GRIK4: variants seen among roughly 807,000 people sequenced by gnomAD.
GRIK4 encodes glutamate receptor ionotropic, kainate 4.
In GRIK4, 40 loss-of-function variants were observed where a neutral mutation model predicts 104.9. That is an observed-to-expected ratio of 0.38 (90% CI 0.30 to 0.50). The LOEUF is 0.50. Ranked by LOEUF, GRIK4 falls within the 20% of genes least tolerant of loss-of-function variation. GRIK4 has a pLI of 0.93. For synonymous variants in GRIK4, 485 were observed against 524.9 expected (o/e 0.92, Z 1.04); for missense variants, 1,047 against 1,308.1 (o/e 0.80, Z 3.08).
rs186901174 is a variant in GRIK4 at position 120,917,472 on chromosome 11, C to T, written c.1476+11979C>T. 2.2e-3 allele frequency among the ~76,000 whole-genome samples: 340 copies of T among 152,120 alleles called. 1 individual carries two copies. The highest frequency in any genetic ancestry group is 7.9e-3 in the African/African-American group (326 of 41,472). ...CGGTAAAAGGCAAGGGGGGCACAGG[C>T]ATGTAAGATAATAAAGTGTAGGTGT... On this transcript the variant is annotated intron_variant, in intron 13 of 20. Transcript: ENST00000527524.
intron 1 of GRIK4, among the ~76,000 whole-genome samples, chr11:120,640,411 G>A (rs2135198991): frequency 6.6e-6 from 1 of 152,196 alleles, no homozygotes; most frequent in African/African-American, 2.4e-5. Context: ...ATTTCAAGGT[G>A]GAAAGAAATT....
rs149278549 is a variant in GRIK4, at chr11:120,534,991, T to TA, written c.-159+23105dup. Among the ~76,000 whole-genome samples, 9 of 152,280 alleles carry TA rather than the reference T, an allele frequency of 5.9e-5. No homozygotes were observed. In the East Asian group the frequency reaches 1.7e-3, roughly 29 times the overall value. On this transcript the variant is annotated intron_variant, in intron 1 of 20. Coordinates refer to ENST00000527524, the MANE Select transcript of GRIK4 (RefSeq NM_014619.5). ...GGGCAAACCTGATGGTTGGTTGCCC[T>TA]AGGAGAGTTTACTCCCTGCAGTAAG...
chr11:120,915,880 G>T (rs1248548530), intron 13 of GRIK4, among the ~76,000 whole-genome samples: 1 of 152,186 alleles, frequency 6.6e-6, no homozygotes, highest in African/African-American at 2.4e-5. Flanking sequence ...GGCTTGGAGA[G>T]TTCCATAATT....
chr11:120,912,458 A>C (rs190668639), intron 13 of GRIK4, among the ~76,000 whole-genome samples: 50 of 152,330 alleles, frequency 3.3e-4, no homozygotes, highest in Middle Eastern at 3.4e-3. Context: ...GGAGCCCGTG[A>C]AGGCTGCTGA....
chr11:120,823,419 A>G (rs1182789424), intron 6 of GRIK4, among the ~76,000 whole-genome samples: 1 of 152,244 alleles, frequency 6.6e-6, no homozygotes, highest in Non-Finnish European at 1.5e-5. Flanking sequence ...TGCAGATGGC[A>G]AAGCACTTTC....
At chr11:120,780,463 T>A (rs1952131688) in intron 3 of GRIK4, among the ~76,000 whole-genome samples, 1 of 152,238 alleles carries the variant, frequency 6.6e-6, no homozygotes, top group South Asian at 2.1e-4. Context: ...TGTCAGAATT[T>A]CCTTCCTTTG....
In GRIK4 at chr11:120,687,182, A is replaced by C. The variant is rs932044240; in HGVS notation, c.82+26782A>C. On this transcript the variant is annotated intron_variant, in intron 3 of 20. Coordinates refer to ENST00000527524, the MANE Select transcript of GRIK4 (RefSeq NM_014619.5). ...AGAGTAGATGACATTATCCCATTTG[A>C]CAGATATGGAAACCAAGGCTCAGGA... 5.9e-5 allele frequency among the ~76,000 whole-genome samples: 9 copies of C among 152,318 alleles called. No homozygotes were observed. The East Asian group carries it at 1.7e-3, about 29-fold the overall frequency.
At chr11:120,676,982 G>A (rs190881013) in intron 3 of GRIK4, among the ~76,000 whole-genome samples, 14 of 152,302 alleles carry the variant, frequency 9.2e-5, no homozygotes, top group African/African-American at 2.9e-4. Context: ...TCCATAGCTC[G>A]ATCCTTGGCC....
intron 3 of GRIK4, among the ~76,000 whole-genome samples, chr11:120,678,298 A>T (rs144060348): frequency 9.2e-5 from 14 of 152,350 alleles, no homozygotes; most frequent in Non-Finnish European, 1.5e-4. Flanking sequence ...AAATGGAACC[A>T]CAGGGTTAGT....
At chr11:120,695,381 GC>G (rs1950428135) in intron 3 of GRIK4, among the ~76,000 whole-genome samples, 1 of 152,236 alleles carries the variant, frequency 6.6e-6, no homozygotes. Context: ...ACCGTGAAGG[GC>G]CTTCTGTGGC....
At chr11:120,836,280 C>G (rs1056625575) in intron 7 of GRIK4, among the ~76,000 whole-genome samples, 18 of 152,150 alleles carry the variant, frequency 1.2e-4, no homozygotes, top group African/African-American at 4.3e-4. Flanking sequence ...CTTAGCCTTT[C>G]GTTGTGTCAG....
chr11:120,590,137 C>T lies in GRIK4; in HGVS notation c.-158-63548C>T, dbSNP rs903433945. On this transcript the variant is annotated intron_variant, in intron 1 of 20. Coordinates refer to ENST00000527524, the MANE Select transcript of GRIK4 (RefSeq NM_014619.5). ...TCCTTTCATTGCCTTTTTCTTCTTT[C>T]TCTTTAGTGTTTCAACCAGAGCCTT... 2.9e-4 allele frequency among the ~76,000 whole-genome samples: 44 copies of T among 152,102 alleles called. 1 individual carries two copies. Among genetic ancestry groups the T allele is most frequent in the African/African-American group, 9.9e-4 (41 of 41,422 alleles).
intron 3 of GRIK4, among the ~76,000 whole-genome samples, chr11:120,732,849 G>A (rs1951159790): frequency 6.6e-6 from 1 of 152,152 alleles, no homozygotes; most frequent in Non-Finnish European, 1.5e-5. Flanking sequence ...TATCTATTAG[G>A]TCTATTTATT....
At chr11:120,746,323 C>A (rs1951437348) in intron 3 of GRIK4, among the ~76,000 whole-genome samples, 1 of 152,136 alleles carries the variant, frequency 6.6e-6, no homozygotes, top group Non-Finnish European at 1.5e-5. Context: ...GCTTCCCTTT[C>A]TGAAAACTCA....
At chr11:120,526,644 C>T (rs981936528) in intron 1 of GRIK4, among the ~76,000 whole-genome samples, 1 of 152,170 alleles carries the variant, frequency 6.6e-6, no homozygotes, top group African/African-American at 2.4e-5. Flanking sequence ...ACCGGCCTGA[C>T]CAACATGGTG....
intron 6 of GRIK4, among the ~76,000 whole-genome samples, chr11:120,826,739 T>C (rs1294203737): frequency 1.3e-5 from 2 of 152,216 alleles, no homozygotes; most frequent in Non-Finnish European, 2.9e-5. Context: ...CCCTCTCCTC[T>C]TGCCCTGCTG....
chr11:120,954,832 A>ACAC (rs1944103422), intron 15 of GRIK4, among the ~76,000 whole-genome samples: 39 of 7,956 alleles, frequency 4.9e-3, no homozygotes, highest in Non-Finnish European at 8.7e-3. Flanking sequence ...CACACACACA[A>ACAC]ACAATACTGG....
intron 1 of GRIK4, among the ~76,000 whole-genome samples, chr11:120,567,043 A>G (rs1488439574): frequency 7.5e-6 from 1 of 133,654 alleles, no homozygotes; most frequent in Non-Finnish European, 1.5e-5. Context: ...GTTGCTATTC[A>G]TAGGTGTGGT....
intron 3 of GRIK4, among the ~76,000 whole-genome samples, chr11:120,664,350 C>G (rs1210500007): frequency 6.6e-6 from 1 of 152,202 alleles, no homozygotes; most frequent in African/African-American, 2.4e-5. Context: ...CACAATTATT[C>G]ATTCATTAAT....
Sources: allele counts gnomAD v4.1 joint callset (sites outside exome capture counted in the v4.1 genomes callset), GRCh38; gene constraint gnomAD v4.1.1; transcripts MANE v1.5; gene names NCBI Gene and HGNC (gene_info 2026-07-23, HGNC 2026-07-21).